RSRC1: variants seen among roughly 807,000 people sequenced by gnomAD.
RSRC1 encodes the protein serine/Arginine-related protein 53.
RSRC1 carries 39 observed loss-of-function variants against 49.1 expected under a neutral mutation model. The observed-to-expected ratio is 0.79, with a 90% CI of 0.61 to 1.04. RSRC1 has a LOEUF of 1.04. RSRC1 is among the 50% of genes least tolerant of loss of function. The probability of loss-of-function intolerance (pLI) is 0.00; values close to 1 mark genes in which losing one functional copy is unlikely to be tolerated. For missense variants in RSRC1, 388 were observed against 402.4 expected, an observed-to-expected ratio of 0.96 and a Z score of 0.31; for synonymous variants, 143 against 130.8, an observed-to-expected ratio of 1.09 and a Z score of -0.63.
intron 4 of RSRC1, among the ~76,000 whole-genome samples, chr3:158,213,634 G>T (rs1721806991): frequency 6.6e-6 from 1 of 151,872 alleles, no homozygotes; most frequent in African/African-American, 2.4e-5. Flanking sequence ...TTTTGAAATT[G>T]CAGTCTTTGG....
intron 3 of RSRC1, among the ~76,000 whole-genome samples, chr3:158,142,520 C>G (rs182159510): frequency 5.9e-5 from 9 of 152,232 alleles, no homozygotes; most frequent in African/African-American, 2.2e-4. Context: ...GCTCACAGTT[C>G]TGCAGGGTAG....
chr3:158,313,638 A>G (rs1578323462), intron 5 of RSRC1, among the ~76,000 whole-genome samples: 1 of 152,220 alleles, frequency 6.6e-6, no homozygotes, highest in Non-Finnish European at 1.5e-5. Context: ...TCATAAATTT[A>G]CACAAAAACT....
intron 7 of RSRC1, among the ~76,000 whole-genome samples, chr3:158,482,578 A>C (rs60745172): frequency 0.3 from 45,917 of 151,762 alleles, 7,142 homozygotes; most frequent in South Asian, 0.42. Flanking sequence ...AGTCCCCTCC[A>C]TCCCTTTGTT....
intron 4 of RSRC1, among the ~76,000 whole-genome samples, chr3:158,262,192 A>T (rs998023139): frequency 6.6e-6 from 1 of 152,064 alleles, no homozygotes; most frequent in Non-Finnish European, 1.5e-5. Flanking sequence ...TTGATCTAAG[A>T]TTTCTTTGCC....
chr3:158,494,333 T>C (rs1298794473), intron 7 of RSRC1, among the ~76,000 whole-genome samples: 1 of 152,232 alleles, frequency 6.6e-6, no homozygotes, highest in East Asian at 1.9e-4. Flanking sequence ...AAAAGATTTT[T>C]TAAATGGTAC....
At position 158,477,798 on chromosome 3, in the gene RSRC1, T is replaced by TATATATATATATATATA. The variant is rs1738432613; in HGVS notation, c.652+16795_652+16796insATATATATATATATATA. Among the ~76,000 whole-genome samples, 55 of 89,758 alleles carry TATATATATATATATATA rather than the reference T, an allele frequency of 6.1e-4. 2 individuals are homozygous for TATATATATATATATATA. Among genetic ancestry groups the TATATATATATATATATA allele is most frequent in the African/African-American group, 2.5e-3 (55 of 21,640 alleles). The allele number at this position is 89,758 out of a possible 152,430, so 58.9% of individuals were successfully genotyped here. On this transcript the variant is annotated intron_variant, in intron 7 of 9. Coordinates refer to ENST00000611884, the MANE Select transcript of RSRC1 (RefSeq NM_001271838.2). ...TGATGGGATAGGTTGCGGGAGGGAT[T>TATATATATATATATATA]TATATATATATATATATATATATAT...
chr3:158,305,715 A>G (rs190709143), intron 5 of RSRC1, among the ~76,000 whole-genome samples: 5 of 152,194 alleles, frequency 3.3e-5, no homozygotes, highest in South Asian at 2.1e-4. Context: ...AATCACGCTT[A>G]TTACCATTTG....
rs192894898 is a variant in RSRC1, at chr3:158,420,990, A to T, written c.584-39945A>T. On this transcript the variant is annotated intron_variant, in intron 6 of 9. Transcript: ENST00000611884. Reference sequence around the variant, plus strand: ...TGAAGCAAAAGGATCAAGTAATGAGAGCATATAACAGACAAGGCCAAATAT... The same window carrying T: ...TGAAGCAAAAGGATCAAGTAATGAGTGCATATAACAGACAAGGCCAAATAT... 2.5e-3 allele frequency among the ~76,000 whole-genome samples: 379 copies of T among 152,034 alleles called. 2 individuals carry two copies. The highest frequency in any genetic ancestry group is 8.9e-3 in the African/African-American group (368 of 41,548).
At chr3:158,255,197 G>A (rs1457523121) in intron 4 of RSRC1, among the ~76,000 whole-genome samples, 1 of 151,988 alleles carries the variant, frequency 6.6e-6, no homozygotes, top group Non-Finnish European at 1.5e-5. Flanking sequence ...TATGGTTTTA[G>A]GTCTACCATT....
At chr3:158,495,356 G>A (rs1289174132) in intron 7 of RSRC1, among the ~76,000 whole-genome samples, 2 of 152,086 alleles carry the variant, frequency 1.3e-5, no homozygotes, top group Non-Finnish European at 2.9e-5. Context: ...CACGATCTTG[G>A]CTCACTGCAA....
intron 4 of RSRC1, among the ~76,000 whole-genome samples, chr3:158,217,177 G>A (rs1721987293): frequency 6.6e-6 from 1 of 151,514 alleles, no homozygotes; most frequent in African/African-American, 2.4e-5. Flanking sequence ...ATATAAATTA[G>A]TAACGAGTAC....
intron 4 of RSRC1, among the ~76,000 whole-genome samples, chr3:158,258,228 T>C (rs1724683963): frequency 1.4e-5 from 2 of 147,126 alleles, no homozygotes; most frequent in African/African-American, 2.6e-5. Flanking sequence ...TTTTTTTTTT[T>C]TTTTTTTGGT....
At chr3:158,127,035 C>T (rs1432364104) in intron 3 of RSRC1, among the ~76,000 whole-genome samples, 2 of 152,044 alleles carry the variant, frequency 1.3e-5, no homozygotes, top group Non-Finnish European at 2.9e-5. Flanking sequence ...TTACTTTTCT[C>T]TTGCTGCTTT....
chr3:158,306,261 A>G (rs973099264), intron 5 of RSRC1, among the ~76,000 whole-genome samples: 13 of 151,900 alleles, frequency 8.6e-5, no homozygotes, highest in African/African-American at 3.1e-4. Context: ...TCAGGCATAT[A>G]TATGCATATA....
intron 3 of RSRC1, among the ~76,000 whole-genome samples, chr3:158,168,016 G>A (rs1460740924): frequency 6.6e-6 from 1 of 151,872 alleles, no homozygotes; most frequent in Non-Finnish European, 1.5e-5. Context: ...AGTGAGGGAG[G>A]GTATCGTAGA....
chr3:158,482,197 A>T (rs1738637755), intron 7 of RSRC1, among the ~76,000 whole-genome samples: 4 of 150,662 alleles, frequency 2.7e-5, no homozygotes, highest in African/African-American at 9.7e-5. Context: ...ACATTTACAA[A>T]GAGAAAGCTA....
chr3:158,177,559 G>A (rs753551856), intron 3 of RSRC1, among the ~76,000 whole-genome samples: 12 of 151,202 alleles, frequency 7.9e-5, no homozygotes, highest in East Asian at 3.9e-4. Flanking sequence ...ACCAAACACC[G>A]TATATTCTCA....
chr3:158,445,454 T>G (rs1275359827), intron 6 of RSRC1, among the ~76,000 whole-genome samples: 1 of 151,690 alleles, frequency 6.6e-6, no homozygotes, highest in African/African-American at 2.4e-5. Flanking sequence ...AATTGAACAA[T>G]GAGAACACTT....
At chr3:158,119,802 AC>A (rs1559907223) in intron 1 of RSRC1, among the ~76,000 whole-genome samples, 1 of 150,972 alleles carries the variant, frequency 6.6e-6, no homozygotes, top group Non-Finnish European at 1.5e-5. Flanking sequence ...ACATATATAT[AC>A]ATGTTGTATA....
Sources: allele counts gnomAD v4.1 joint callset (sites outside exome capture counted in the v4.1 genomes callset), GRCh38; gene constraint gnomAD v4.1.1; transcripts MANE v1.5; gene names NCBI Gene and HGNC (gene_info 2026-07-23, HGNC 2026-07-21).